Variants in GPR183 observed in about 807,000 individuals in gnomAD.
GPR183 encodes the protein EBV-induced G-protein coupled receptor 2.
In GPR183, 9 loss-of-function variants were observed where a neutral mutation model predicts 19.7. That is an observed-to-expected ratio of 0.46 (90% CI 0.28 to 0.80). The LOEUF (loss-of-function observed/expected upper bound fraction) is 0.80. Ranked by LOEUF, GPR183 falls within the 30% of genes least tolerant of loss-of-function variation. The probability of loss-of-function intolerance (pLI) is 0.13; values close to 1 mark genes in which losing one functional copy is unlikely to be tolerated. For missense variants in GPR183, 368 were observed against 446.7 expected, an observed-to-expected ratio of 0.82 and a Z score of 1.59; for synonymous variants, 160 against 155.1, an observed-to-expected ratio of 1.03 and a Z score of -0.24.
chr13:99,295,538 A>G lies in GPR183; in HGVS notation c.608T>C (p.Ile203Thr), dbSNP rs774469999. The G allele has an allele frequency of 4.3e-6, 7 of 1,614,026 alleles. No individual in the cohort carries two copies. Among genetic ancestry groups the G allele is most frequent in the Non-Finnish European group, 5.9e-6 (7 of 1,180,020 alleles). Residue 203 changes from isoleucine to threonine, a missense_variant, in exon 2 of 2, where the codon ATA becomes ACA. Transcript: ENST00000376414. This position sits in a 1 kb window ranked among gnomAD's most constrained non-coding sequence, Gnocchi z 4.1. ...GATTATAAGTGGAAGTACATATCCT[A>G]TGAAACATGCCCCAAGCAGAATCCA... ...LPWILLGACF[I>T]GYVLPLIIIL...
chr13:99,297,147 G>A (rs9513592), intron 1 of GPR183, among the ~76,000 whole-genome samples: 95 of 152,198 alleles, frequency 6.2e-4, no homozygotes, highest in South Asian at 3.7e-3. Flanking sequence ...TATAAATAAT[G>A]TTAAAGCAGA....
intron 1 of GPR183, among the ~76,000 whole-genome samples, chr13:99,300,233 C>T (rs560352989): frequency 8.5e-5 from 13 of 152,318 alleles, no homozygotes; most frequent in African/African-American, 2.4e-4. Flanking sequence ...AACTGACGAC[C>T]GTTGTGCACT....
At chr13:99,302,335 A>G (rs902194772) in intron 1 of GPR183, among the ~76,000 whole-genome samples, 1 of 152,254 alleles carries the variant, frequency 6.6e-6, no homozygotes, top group East Asian at 1.9e-4. Context: ...ATGAAAGCTC[A>G]GGGTTAATTG....
In GPR183 at chr13:99,294,902, T is replaced by C; in HGVS notation, c.*158A>G. 1.4e-6 allele frequency: 1 copy of C among 697,004 alleles called. No homozygotes were observed. The highest frequency in any genetic ancestry group is 2.0e-5 in the South Asian group (1 of 48,842). The allele number at this position is 697,004 out of a possible 1,614,324, so 43.2% of individuals were successfully genotyped here. A position where few individuals can be genotyped will look rare whatever the true frequency, so the allele number is the denominator to read the frequency against. ...TTATGTTGTTTGCTTTATGTTGTTC[T>C]CTTGGGCTTACTTCCGAGTTGGAGA... On this transcript the variant is annotated 3_prime_UTR_variant, in exon 2 of 2. Coordinates refer to ENST00000376414, the MANE Select transcript of GPR183 (RefSeq NM_004951.5).
rs537600974 is a variant in GPR183, at chr13:99,301,377, A to G, written c.-18-5214T>C. On this transcript the variant is annotated intron_variant, in intron 1 of 1. Coordinates refer to ENST00000376414, the MANE Select transcript of GPR183 (RefSeq NM_004951.5). The stretch of plus-strand genomic sequence containing the variant: ...TTTTTATTGGTAAACAAAGGAGACA[A>G]TCCCAGTTTTGCCTCTGTAATGCAG... Among the ~76,000 whole-genome samples the G allele has an allele frequency of 3.3e-5, 5 of 152,338 alleles. No individual in the cohort carries two copies. In the South Asian group the frequency reaches 1.0e-3, roughly 32 times the overall value.
chr13:99,306,260 G>A (rs955012464), intron 1 of GPR183, among the ~76,000 whole-genome samples: 3 of 152,162 alleles, frequency 2.0e-5, no homozygotes, highest in South Asian at 2.1e-4. Context: ...TGGTACGTCA[G>A]TGGCCAGAGA....
At chr13:99,298,251 T>C (rs1473958848) in intron 1 of GPR183, among the ~76,000 whole-genome samples, 1 of 152,182 alleles carries the variant, frequency 6.6e-6, no homozygotes, top group Non-Finnish European at 1.5e-5. Flanking sequence ...AATTTGACCA[T>C]GTGCTAGGTC....
intron 1 of GPR183, among the ~76,000 whole-genome samples, chr13:99,305,948 T>C (rs2044327519): frequency 6.6e-6 from 1 of 152,088 alleles, no homozygotes; most frequent in Non-Finnish European, 1.5e-5. Flanking sequence ...CAGGCTAGAG[T>C]GCAGTGGCGC....
At chr13:99,302,244 T>C (rs2044267289) in intron 1 of GPR183, among the ~76,000 whole-genome samples, 1 of 152,374 alleles carries the variant, frequency 6.6e-6, no homozygotes, top group Non-Finnish European at 1.5e-5. Context: ...ACACTGTCCT[T>C]GGCTACTTTG....
intron 1 of GPR183, among the ~76,000 whole-genome samples, chr13:99,298,756 A>G (rs2138725242): frequency 6.6e-6 from 1 of 152,268 alleles, no homozygotes; most frequent in African/African-American, 2.4e-5. Flanking sequence ...GTAGAAAAAG[A>G]TTTTTCCATT....
In GPR183 at chr13:99,295,252, G is replaced by A. The variant is rs2044151591; in HGVS notation, c.894C>T (p.Asn298=). 1.2e-6 allele frequency: 2 copies of A among 1,614,080 alleles called. No homozygotes were observed. The highest frequency in any genetic ancestry group is 1.7e-6 in the Non-Finnish European group (2 of 1,179,982). ...ISLHFTVCLM[N]FNCCMDPFIY... ...TAAAAGGGTCCATGCAGCAATTGAA[G>A]TTCATCAGGCATACTGTAAAGTGCA... The change falls in exon 2 of 2, where the codon AAC becomes AAT. Residue 298 remains asparagine (N), a synonymous_variant. Transcript: ENST00000376414. The surrounding 1 kb of genome is among the most constrained non-coding windows in gnomAD (Gnocchi z 4.1).
rs2044158345 is a variant in GPR183 at position 99,295,599 on chromosome 13, C to T, written c.547G>A (p.Glu183Lys). The T allele has an allele frequency of 1.2e-6, 2 of 1,613,916 alleles. No individual in the cohort carries two copies. The highest frequency in any genetic ancestry group is 1.3e-5 in the African/African-American group (1 of 74,878). Residue 183 changes from glutamate (E) to lysine (K), a missense_variant, in exon 2 of 2, where the codon GAG becomes AAG. By Grantham distance (56) the Glu-to-Lys change is moderately conservative. Coordinates refer to ENST00000376414, the MANE Select transcript of GPR183 (RefSeq NM_004951.5). This position sits in a 1 kb window ranked among gnomAD's most constrained non-coding sequence, Gnocchi z 4.1. ...KQEAERITCM[E>K]YPNFEETKSL... ...TTAGTTTCTTCAAAGTTTGGATACT[C>T]CATGCATGTAATCCTTTCAGCCTCC...
At position 99,295,166 on chromosome 13, in the gene GPR183, A is replaced by C. The variant is rs1437673718; in HGVS notation, c.980T>G (p.Val327Gly). Residue 327 changes from valine (V) to glycine (G), a missense_variant, in exon 2 of 2, where the codon GTC becomes GGC. Physicochemically the swap from Val to Gly is moderately radical, Grantham distance 109 (BLOSUM62 -3). Transcript: ENST00000376414. The surrounding 1 kb of genome is among the most constrained non-coding windows in gnomAD (Gnocchi z 4.1). ...RKVMRMLKRQ[V>G]SVSISSAVKS... ...CACAGCACTAGAAATCGATACACTG[A>C]CTTGCCGTTTCAGCATCCTCATAAC... 6.2e-7 allele frequency: 1 copy of C among 1,614,052 alleles called. No individual in the cohort carries two copies. Among genetic ancestry groups the C allele is most frequent in the Non-Finnish European group, 8.5e-7 (1 of 1,180,006 alleles).
chr13:99,295,021 A>T lies in GPR183; in HGVS notation c.*39T>A. 1 of 1,564,354 alleles carries T rather than the reference A, an allele frequency of 6.4e-7. No individual in the cohort carries two copies. The highest frequency in any genetic ancestry group is 8.6e-7 in the Non-Finnish European group (1 of 1,156,956). ...TAAGGGAAGTCCTGCAAAGTTTGTC[A>T]TACAGTTTACGTCACTATAAACCAA... On this transcript the variant is annotated 3_prime_UTR_variant, in exon 2 of 2. Coordinates refer to ENST00000376414, the MANE Select transcript of GPR183 (RefSeq NM_004951.5). This position sits in a 1 kb window ranked among gnomAD's most constrained non-coding sequence, Gnocchi z 4.1.
chr13:99,301,283 T>G (rs2044253236), intron 1 of GPR183, among the ~76,000 whole-genome samples: 1 of 152,238 alleles, frequency 6.6e-6, no homozygotes, highest in Non-Finnish European at 1.5e-5. Context: ...AACAGGGCCC[T>G]GTCGGCCTTC....
At chr13:99,307,215 G>A (rs920776581) in intron 1 of GPR183, 125 bp downstream of exon 1, 2 of 152,124 alleles carry the variant, frequency 1.3e-5, no homozygotes, top group South Asian at 2.1e-4. Context: ...TATAATTTTT[G>A]TTAGAAGTGA....
At chr13:99,305,926 C>T (rs1260160110) in intron 1 of GPR183, among the ~76,000 whole-genome samples, 2 of 152,100 alleles carry the variant, frequency 1.3e-5, no homozygotes. Context: ...GACAGAGTCT[C>T]GCATGGTCGC....
intron 1 of GPR183, among the ~76,000 whole-genome samples, chr13:99,304,232 C>T (rs760307065): frequency 6.6e-6 from 1 of 152,192 alleles, no homozygotes. Flanking sequence ...TCCCTCACAA[C>T]TCTGTGCCCG....
intron 1 of GPR183, among the ~76,000 whole-genome samples, chr13:99,296,415 C>T (rs1018851335): frequency 6.6e-6 from 1 of 152,130 alleles, no homozygotes; most frequent in Non-Finnish European, 1.5e-5. Flanking sequence ...TGGCAAAGCT[C>T]TGGCAAAGGA....
Sources: gnomAD v4.1 joint callset for allele counts (sites outside exome capture counted in the v4.1 genomes callset) on GRCh38, gnomAD v4.1.1 for gene constraint, Gnocchi (gnomAD v3.1) non-coding constraint, MANE v1.5 for transcripts, NCBI Gene and HGNC (gene_info 2026-07-23, HGNC 2026-07-21) for gene names.